The following BBS4 variants were observed in gnomAD, a reference collection of about 807,000 sequenced individuals.
The protein encoded by BBS4 is BBSome complex member BBS4.
Under a neutral mutation model 71.4 loss-of-function variants are expected in BBS4, and 58 were observed. The observed-to-expected ratio is 0.81, with a 90% CI of 0.66 to 1.01. The LOEUF is 1.01. BBS4 is among the 50% of genes least tolerant of loss of function. The pLI, the probability that BBS4 is intolerant of heterozygous loss-of-function variation, is 0.00. For synonymous variants in BBS4, 228 were observed against 216.8 expected (o/e 1.05, Z -0.46); for missense variants, 660 against 607.9 (o/e 1.09, Z -0.90).
rs186570698 is a variant in BBS4 at position 72,721,493 on chromosome 15, C to T, written c.406-1301C>T. Among the ~76,000 whole-genome samples, 8 of 152,212 alleles carry T rather than the reference C, an allele frequency of 5.3e-5. No homozygotes were observed. The East Asian group carries it at 1.5e-3, about 29-fold the overall frequency. On this transcript the variant is annotated intron_variant, in intron 6 of 15. Transcript: ENST00000268057. ...AAAAAAGAAAAAAAAAATCCCAATA[C>T]TCTCTGTCTTAAGTTAGGTAATCTA...
chr15:72,707,334 C>T (rs1047777645), intron 2 of BBS4, among the ~76,000 whole-genome samples: 2 of 151,886 alleles, frequency 1.3e-5, no homozygotes, highest in African/African-American at 4.8e-5. Flanking sequence ...TGCGCCACCA[C>T]ACCCTGCTAA....
chr15:72,722,654 T>C (rs1567420673), intron 6 of BBS4, 140 bp from the exon 7 acceptor site: 5 of 717,898 alleles, frequency 7.0e-6, no homozygotes, highest in South Asian at 3.1e-5. Context: ...GTATGAACTC[T>C]AATAAAAAGC....
At chr15:72,727,070 T>C (rs1248693210) in intron 8 of BBS4, among the ~76,000 whole-genome samples, 2 of 152,216 alleles carry the variant, frequency 1.3e-5, no homozygotes, top group Admixed American at 1.3e-4. Context: ...ATGTTTATTA[T>C]GGCAGAAAGT....
intron 2 of BBS4, among the ~76,000 whole-genome samples, chr15:72,704,861 C>T (rs1352887246): frequency 6.6e-6 from 1 of 151,704 alleles, no homozygotes. Context: ...GCCTTTATGA[C>T]AGAACTCGAC....
At chr15:72,736,517 T>C (rs920827168) in intron 14 of BBS4, among the ~76,000 whole-genome samples, 1 of 152,146 alleles carries the variant, frequency 6.6e-6, no homozygotes, top group African/African-American at 2.4e-5. Context: ...TTGTAGGAAA[T>C]GCACTGTTTG....
chr15:72,716,446 GTAGT>G (rs557424100), intron 5 of BBS4, among the ~76,000 whole-genome samples: 83 of 152,270 alleles, frequency 5.5e-4, no homozygotes, highest in African/African-American at 1.9e-3. Flanking sequence ...ATAAATGATG[GTAGT>G]TACTGCTTAA....
At chr15:72,715,459 A>G in intron 5 of BBS4, 57 bp downstream of exon 5, 1 of 1,230,104 alleles carries the variant, frequency 8.1e-7, no homozygotes. Flanking sequence ...TGTAAAATGC[A>G]TTCCTAGGTC....
chr15:72,686,305 G>T, intron 1 of BBS4, 54 bp downstream of exon 1: 1 of 1,551,804 alleles, frequency 6.4e-7, no homozygotes, highest in African/African-American at 1.4e-5. Flanking sequence ...GCAAGCTGGC[G>T]GGTGGCTTTT....
chr15:72,724,588 C>T lies in BBS4; in HGVS notation c.520C>T (p.Leu174=), dbSNP rs773500627. ...TAGGCACGATCTGACTTATATAATG[C>T]TGGGGAAGATCCACTTGCTGGAGGG... ...LNRHDLTYIM[L]GKIHLLEGDL... The change falls in exon 8 of 16, where the codon CTG becomes TTG. Residue 174 remains leucine (L), a synonymous_variant. Coordinates refer to ENST00000268057, the MANE Select transcript of BBS4 (RefSeq NM_033028.5). The T allele has an allele frequency of 1.1e-5, 18 of 1,613,930 alleles. No individual in the cohort carries two copies. The highest frequency in any genetic ancestry group is 1.4e-5 in the Non-Finnish European group (17 of 1,180,004).
chr15:72,692,535 A>G (rs573422257), intron 1 of BBS4, among the ~76,000 whole-genome samples: 16 of 150,612 alleles, frequency 1.1e-4, no homozygotes, highest in South Asian at 2.1e-4. Context: ...CTGGTCTTAA[A>G]CTCCTGAACT....
At position 72,700,159 on chromosome 15, in the gene BBS4, T is replaced by G. The variant is rs138675978; in HGVS notation, c.76+4931T>G. Reference sequence around the variant, plus strand: ...TTCACCATATTAGCCAGGCTGGTCTTGAATTCCTTACCTCATGATCCGCCC... The same window carrying G: ...TTCACCATATTAGCCAGGCTGGTCTGGAATTCCTTACCTCATGATCCGCCC... On this transcript the variant is annotated intron_variant, in intron 2 of 15. Coordinates refer to ENST00000268057, the MANE Select transcript of BBS4 (RefSeq NM_033028.5). Among the ~76,000 whole-genome samples the G allele has an allele frequency of 3.9e-5, 6 of 152,244 alleles. No homozygotes were observed. The East Asian group carries it at 7.7e-4, about 20-fold the overall frequency.
intron 6 of BBS4, among the ~76,000 whole-genome samples, chr15:72,720,986 T>C (rs2065563006): frequency 6.6e-6 from 1 of 152,224 alleles, no homozygotes; most frequent in South Asian, 2.1e-4. Flanking sequence ...TTACCTACCT[T>C]AACAATTCCT....
At chr15:72,709,138 C>T (rs1754023416) in intron 2 of BBS4, among the ~76,000 whole-genome samples, 1 of 152,188 alleles carries the variant, frequency 6.6e-6, no homozygotes, top group South Asian at 2.1e-4. Flanking sequence ...TCTTAGGCCC[C>T]CTCCCCTTTT....
rs540146561 is a variant in BBS4 at position 72,689,909 on chromosome 15, C to G, written c.24+3658C>G. Among the ~76,000 whole-genome samples the G allele has an allele frequency of 1.9e-3, 289 of 152,184 alleles. 3 individuals carry two copies. The highest frequency in any genetic ancestry group is 6.7e-3 in the African/African-American group (279 of 41,534). ...CACTGCAACCTCCGCCTCCCGGGTT[C>G]ACGCCATTCTCCAGCCTGAGCCTCC... On this transcript the variant is annotated intron_variant, in intron 1 of 15. Coordinates refer to ENST00000268057, the MANE Select transcript of BBS4 (RefSeq NM_033028.5).
At chr15:72,721,787 C>A (rs2065582056) in intron 6 of BBS4, among the ~76,000 whole-genome samples, 1 of 152,178 alleles carries the variant, frequency 6.6e-6, no homozygotes, top group Admixed American at 6.5e-5. Context: ...GTAGTTCTTA[C>A]TATGTTTCCC....
At chr15:72,709,270 G>A (rs1037841180) in intron 2 of BBS4, among the ~76,000 whole-genome samples, 1 of 152,158 alleles carries the variant, frequency 6.6e-6, no homozygotes, top group East Asian at 1.9e-4. Context: ...GCCGGCTGAC[G>A]CTTATAGAAA....
At chr15:72,706,107 CT>C (rs950181194) in intron 2 of BBS4, among the ~76,000 whole-genome samples, 1 of 151,994 alleles carries the variant, frequency 6.6e-6, no homozygotes, top group African/African-American at 2.4e-5. Context: ...TCCAAGATGA[CT>C]TAGTAAGCTA....
chr15:72,689,212 A>G (rs1037031760), intron 1 of BBS4, among the ~76,000 whole-genome samples: 1 of 152,240 alleles, frequency 6.6e-6, no homozygotes, highest in Non-Finnish European at 1.5e-5. Context: ...GAAAAGACTC[A>G]AAACTCACAG....
chr15:72,708,214 C>T (rs1007364813), intron 2 of BBS4, among the ~76,000 whole-genome samples: 10 of 152,174 alleles, frequency 6.6e-5, no homozygotes, highest in African/African-American at 2.4e-4. Context: ...GATCTGCCTG[C>T]CTTGGCCTCC....
Sources: allele counts gnomAD v4.1 joint callset (sites outside exome capture counted in the v4.1 genomes callset), GRCh38; gene constraint gnomAD v4.1.1; transcripts MANE v1.5; gene names NCBI Gene and HGNC (gene_info 2026-07-23, HGNC 2026-07-21).